Variants in PLSCR2 observed in about 807,000 individuals in gnomAD.
PLSCR2 encodes the protein phospholipid scramblase 2, also known as PL scramblase 2.
PLSCR2 carries 18 observed loss-of-function variants against 25.3 expected under a neutral mutation model. That is an observed-to-expected ratio of 0.71 (90% CI 0.49 to 1.06). PLSCR2 has a LOEUF of 1.06. Among genes scored for constraint, PLSCR2 ranks in the 50% least tolerant of loss-of-function variants. PLSCR2 has a pLI of 0.00. For missense variants in PLSCR2, 243 were observed against 269.5 expected, an observed-to-expected ratio of 0.90 and a Z score of 0.69; for synonymous variants, 88 against 87.3, an observed-to-expected ratio of 1.01 and a Z score of -0.04.
At chr3:146,470,856 C>A (rs1478145387) in intron 1 of PLSCR2, among the ~76,000 whole-genome samples, 4 of 152,190 alleles carry the variant, frequency 2.6e-5, no homozygotes, top group African/African-American at 7.2e-5. Context: ...ACTTGACAAT[C>A]TCTTTGCCTG....
At chr3:146,481,777 T>C (rs2043139497) in intron 1 of PLSCR2, among the ~76,000 whole-genome samples, 4 of 152,114 alleles carry the variant, frequency 2.6e-5, no homozygotes, top group Admixed American at 2.6e-4. Context: ...GTGAAGACAA[T>C]CCTAAGCAAA....
chr3:146,464,713 T>C (rs1258478898), upstream of PLSCR2, among the ~76,000 whole-genome samples: 1 of 152,200 alleles, frequency 6.6e-6, no homozygotes, highest in East Asian at 1.9e-4. Context: ...GTGATAAATT[T>C]GGAGTAAATT....
chr3:146,431,716 CAA>C (rs767595186), downstream of PLSCR2, among the ~76,000 whole-genome samples: 9 of 152,084 alleles, frequency 5.9e-5, no homozygotes, highest in Non-Finnish European at 1.2e-4. Flanking sequence ...ACATCTTGAA[CAA>C]AAGTTATCAC....
intron 8 of PLSCR2, among the ~76,000 whole-genome samples, chr3:146,434,780 T>C (rs2039729842): frequency 6.6e-6 from 1 of 152,152 alleles, no homozygotes; most frequent in Non-Finnish European, 1.5e-5. Context: ...TTATTTACTT[T>C]TATTATTATA....
chr3:146,488,026 T>G (rs2043409033), intron 1 of PLSCR2, among the ~76,000 whole-genome samples: 1 of 152,140 alleles, frequency 6.6e-6, no homozygotes, highest in Non-Finnish European at 1.5e-5. Flanking sequence ...ACCAGACATC[T>G]ACAACCATCT....
intron 2 of PLSCR2, among the ~76,000 whole-genome samples, chr3:146,409,989 A>G (rs1226933696): frequency 6.6e-6 from 1 of 152,156 alleles, no homozygotes; most frequent in Non-Finnish European, 1.5e-5. Context: ...CTCCTGGGTC[A>G]GTTGTATCTA....
chr3:146,478,522 A>G (rs533625), intron 1 of PLSCR2, among the ~76,000 whole-genome samples: 49,116 of 152,036 alleles, frequency 0.32, 7,976 homozygotes, highest in South Asian at 0.41. Flanking sequence ...ATGAAATAAA[A>G]TGTGAATACA....
At chr3:146,446,239 G>GT (rs1171269869) in intron 6 of PLSCR2, among the ~76,000 whole-genome samples, 2 of 152,160 alleles carry the variant, frequency 1.3e-5, no homozygotes, top group Non-Finnish European at 2.9e-5. Context: ...GCACTGAAGA[G>GT]TTAGGTGTTT....
intron 1 of PLSCR2, among the ~76,000 whole-genome samples, chr3:146,476,200 C>T (rs1157369185): frequency 6.6e-6 from 1 of 151,918 alleles, no homozygotes; most frequent in Admixed American, 6.6e-5. Context: ...GAGGTACCCT[C>T]AGGTTCTATC....
intron 2 of PLSCR2, among the ~76,000 whole-genome samples, chr3:146,400,961 G>C (rs2038451368): frequency 6.6e-6 from 1 of 151,406 alleles, no homozygotes; most frequent in Non-Finnish European, 1.5e-5. Flanking sequence ...TATTAAAGTG[G>C]GAAAAAATGG....
chr3:146,450,961 A>G (rs928429747), intron 5 of PLSCR2, among the ~76,000 whole-genome samples: 3 of 151,828 alleles, frequency 2.0e-5, no homozygotes, highest in Non-Finnish European at 4.4e-5. Flanking sequence ...AATTTTTATA[A>G]AAAAAATTTA....
At chr3:146,463,252 C>G (rs1283280421), upstream of PLSCR2, among the ~76,000 whole-genome samples, 2 of 152,160 alleles carry the variant, frequency 1.3e-5, no homozygotes, top group African/African-American at 4.8e-5. Context: ...TCTGGGCTCA[C>G]TGCAAGCTCC....
At chr3:146,479,263 G>A (rs2043043810) in intron 1 of PLSCR2, among the ~76,000 whole-genome samples, 1 of 152,120 alleles carries the variant, frequency 6.6e-6, no homozygotes, top group African/African-American at 2.4e-5. Context: ...AAATGTAGAT[G>A]GACTAAATGC....
intron 3 of PLSCR2, 152 bp from the exon 4 acceptor site, chr3:146,455,611 G>C (rs1486596191): frequency 1.7e-6 from 1 of 602,810 alleles, no homozygotes; most frequent in Non-Finnish European, 2.9e-6. Context: ...GAGGAAAAAG[G>C]CAAAGGAAAA....
At chr3:146,420,820 G>T (rs1221014085) in intron 2 of PLSCR2, among the ~76,000 whole-genome samples, 1 of 151,978 alleles carries the variant, frequency 6.6e-6, no homozygotes, top group Non-Finnish European at 1.5e-5. Context: ...CCAATTATAG[G>T]TTTGTTAATT....
upstream of PLSCR2, among the ~76,000 whole-genome samples, chr3:146,460,740 C>A (rs1263127470): frequency 2.4e-5 from 3 of 125,776 alleles, no homozygotes; most frequent in African/African-American, 1.1e-4. Context: ...AATTATCCAC[C>A]CCAAAATACT....
chr3:146,470,480 A>G (rs2042075618), intron 1 of PLSCR2, among the ~76,000 whole-genome samples: 1 of 152,236 alleles, frequency 6.6e-6, no homozygotes, highest in African/African-American at 2.4e-5. Context: ...CCCGGAAGGC[A>G]GAGGTTGCAG....
chr3:146,404,073 G>A (rs1270516391), intron 2 of PLSCR2, among the ~76,000 whole-genome samples: 1 of 152,068 alleles, frequency 6.6e-6, no homozygotes, highest in Non-Finnish European at 1.5e-5. Flanking sequence ...TTTAGCCTGT[G>A]TTCTGACCCT....
chr3:146,409,547 G>GT, intron 2 of PLSCR2, among the ~76,000 whole-genome samples: 1 of 152,258 alleles, frequency 6.6e-6, no homozygotes, highest in Non-Finnish European at 1.5e-5. Context: ...GGGAGTTGCA[G>GT]TAACAACCCG....
Sources: allele counts gnomAD v4.1 joint callset (sites outside exome capture counted in the v4.1 genomes callset), GRCh38; gene constraint gnomAD v4.1.1; transcripts MANE v1.5; gene names NCBI Gene and HGNC (gene_info 2026-07-23, HGNC 2026-07-21).